Variants in ATP2B2 observed in about 807,000 individuals in gnomAD.
The protein encoded by ATP2B2 is plasma membrane calcium-transporting ATPase 2.
Under a neutral mutation model 120.0 loss-of-function variants are expected in ATP2B2, and 15 were observed. The ratio of observed to expected loss-of-function variants is 0.12; its 90% CI spans 0.08 to 0.19. ATP2B2 has a LOEUF of 0.19. Among genes scored for constraint, ATP2B2 ranks in the 10% least tolerant of loss-of-function variants. The pLI is 1.00. For missense variants in ATP2B2, 1,045 were observed against 1,719.8 expected (o/e 0.61, Z 6.94); for synonymous variants, 694 against 700.3 (o/e 0.99, Z 0.14).
intron 1 of ATP2B2, among the ~76,000 whole-genome samples, chr3:10,467,273 C>CA (rs902667025): frequency 4.6e-5 from 7 of 152,328 alleles, no homozygotes; most frequent in African/African-American, 1.7e-4. Context: ...AAAACCAACT[C>CA]AGAGCTGCCT....
chr3:10,450,561 C>T (rs543102426), intron 1 of ATP2B2, among the ~76,000 whole-genome samples: 4 of 152,324 alleles, frequency 2.6e-5, no homozygotes, highest in Non-Finnish European at 5.9e-5. Flanking sequence ...CCATATTAAT[C>T]GAGGCCCTTG....
At chr3:10,385,377 G>A (rs747522208) in intron 7 of ATP2B2, 50 bp from the exon 8 acceptor site, 31 of 1,537,896 alleles carry the variant, frequency 2.0e-5, no homozygotes, top group Non-Finnish European at 2.5e-5. Flanking sequence ...ATGGAGAAAA[G>A]CAACAACGAC....
intron 3 of ATP2B2, among the ~76,000 whole-genome samples, chr3:10,516,146 G>A (rs1395004847): frequency 2.0e-5 from 3 of 152,224 alleles, no homozygotes; most frequent in Non-Finnish European, 4.4e-5. Context: ...AGAACCCTGG[G>A]CAGGCCCGCA....
At chr3:10,686,425 C>A (rs1443913504) in intron 1 of ATP2B2, among the ~76,000 whole-genome samples, 1 of 152,190 alleles carries the variant, frequency 6.6e-6, no homozygotes, top group South Asian at 2.1e-4. Flanking sequence ...GAGGCCGAGG[C>A]GGGCGGATTG....
chr3:10,361,985 A>G (rs1270959605), intron 12 of ATP2B2, among the ~76,000 whole-genome samples: 3 of 152,186 alleles, frequency 2.0e-5, no homozygotes, highest in African/African-American at 7.2e-5. Context: ...GCAGATTTGC[A>G]GGTGGCTCCC....
chr3:10,326,496 A>C lies in ATP2B2; in HGVS notation c.*2318T>G, dbSNP rs139559947. The stretch of plus-strand genomic sequence containing the variant: ...AGGTCACGGACACATGACTGATCAA[A>C]GAAGTGGGGAGATGGAAAACTGTGA... On this transcript the variant is annotated 3_prime_UTR_variant, in exon 23 of 23. Coordinates refer to ENST00000360273, the MANE Select transcript of ATP2B2 (RefSeq NM_001001331.4). The C allele has an allele frequency of 8.4e-4, 326 of 389,162 alleles. 3 individuals carry two copies. Among genetic ancestry groups the C allele is most frequent in the African/African-American group, 6.4e-3 (311 of 48,580 alleles). The allele number at this position is 389,162 out of a possible 1,614,324, so 24.1% of individuals were successfully genotyped here.
intron 1 of ATP2B2, among the ~76,000 whole-genome samples, chr3:10,648,103 CA>C (rs1575590454): frequency 6.6e-6 from 1 of 152,176 alleles, no homozygotes; most frequent in East Asian, 1.9e-4. Flanking sequence ...TTATTGTCAG[CA>C]AATCAGCAAG....
chr3:10,535,065 G>T (rs1267868048), intron 2 of ATP2B2, among the ~76,000 whole-genome samples: 5 of 151,760 alleles, frequency 3.3e-5, no homozygotes, highest in Non-Finnish European at 7.4e-5. Flanking sequence ...TGCCATGCCT[G>T]ACTAACTTTT....
intron 1 of ATP2B2, among the ~76,000 whole-genome samples, chr3:10,674,568 A>G (rs2071196923): frequency 6.6e-6 from 1 of 152,222 alleles, no homozygotes; most frequent in Non-Finnish European, 1.5e-5. Context: ...AGGAAGTAAC[A>G]TATTTTTCTT....
At chr3:10,658,558 G>T (rs2070697689) in intron 1 of ATP2B2, among the ~76,000 whole-genome samples, 1 of 152,164 alleles carries the variant, frequency 6.6e-6, no homozygotes, top group African/African-American at 2.4e-5. Flanking sequence ...AGAGTAAAAA[G>T]AAAAGAACAA....
At position 10,649,103 on chromosome 3, in the gene ATP2B2, G is replaced by A. The variant is rs115538661; in HGVS notation, c.-459-29142C>T. Among the ~76,000 whole-genome samples the A allele has an allele frequency of 9.4e-3, 1,434 of 152,192 alleles. 20 individuals carry two copies. The highest frequency in any genetic ancestry group is 0.032 in the African/African-American group (1,331 of 41,496). ...TTTTATTATTATTATTTATAGAGACGGGGTCTTCCTTTGTTAGCTGGTCTG... is the reference window on the plus strand; with the variant it reads ...TTTTATTATTATTATTTATAGAGACAGGGTCTTCCTTTGTTAGCTGGTCTG... On this transcript the variant is annotated intron_variant, in intron 1 of 21. Transcript: ENST00000646379.
intron 18 of ATP2B2, among the ~76,000 whole-genome samples, chr3:10,344,392 A>C (rs1226983032): frequency 1.3e-5 from 2 of 151,902 alleles, no homozygotes; most frequent in South Asian, 2.1e-4. Flanking sequence ...GCCCCCAGCC[A>C]CCCTCCCAAG....
chr3:10,488,511 C>G (rs202166583), intron 1 of ATP2B2, among the ~76,000 whole-genome samples: 11,640 of 73,860 alleles, frequency 0.16, 636 homozygotes, highest in Non-Finnish European at 0.17. Flanking sequence ...TCCTTCGTTC[C>G]TTCCTTCCTT....
At chr3:10,530,036 G>A (rs773308883) in intron 3 of ATP2B2, among the ~76,000 whole-genome samples, 1 of 152,134 alleles carries the variant, frequency 6.6e-6, no homozygotes, top group Non-Finnish European at 1.5e-5. Flanking sequence ...TCTCCAGAAC[G>A]TGAGACAACA....
chr3:10,366,815 C>T (rs572758407), intron 12 of ATP2B2, among the ~76,000 whole-genome samples: 4 of 152,274 alleles, frequency 2.6e-5, no homozygotes, highest in African/African-American at 9.6e-5. Flanking sequence ...TACAAAGCAC[C>T]GCAGACCACA....
intron 1 of ATP2B2, among the ~76,000 whole-genome samples, chr3:10,478,763 C>T (rs774628731): frequency 6.6e-6 from 1 of 152,222 alleles, no homozygotes; most frequent in Non-Finnish European, 1.5e-5. Flanking sequence ...CTTCTCATCT[C>T]TTGCCTAGGT....
intron 1 of ATP2B2, among the ~76,000 whole-genome samples, chr3:10,671,225 G>A (rs767999716): frequency 1.3e-5 from 2 of 152,214 alleles, no homozygotes; most frequent in Non-Finnish European, 1.5e-5. Flanking sequence ...GGAATGCAAC[G>A]GGAGGTGGTG....
At chr3:10,579,793 GA>G (rs2068341820) in intron 2 of ATP2B2, among the ~76,000 whole-genome samples, 1 of 105,066 alleles carries the variant, frequency 9.5e-6, no homozygotes, top group African/African-American at 3.2e-5. Flanking sequence ...CTGGGCAACA[GA>G]GCGAGACTCC....
At chr3:10,448,321 C>T (rs995389421) in intron 2 of ATP2B2, among the ~76,000 whole-genome samples, 1 of 152,200 alleles carries the variant, frequency 6.6e-6, no homozygotes, top group Non-Finnish European at 1.5e-5. Flanking sequence ...GCCCATTTTC[C>T]AGGAGAAGAA....
Sources: gnomAD v4.1 joint callset for allele counts (sites outside exome capture counted in the v4.1 genomes callset) on GRCh38, gnomAD v4.1.1 for gene constraint, MANE v1.5 for transcripts, NCBI Gene and HGNC (gene_info 2026-07-23, HGNC 2026-07-21) for gene names.